Variants in PLD5 observed in about 807,000 individuals in gnomAD.
PLD5 encodes inactive phospholipase D5.
In PLD5, 36 loss-of-function variants were observed where a neutral mutation model predicts 61.1. The observed-to-expected ratio is 0.59, with a 90% CI of 0.45 to 0.78. The LOEUF (loss-of-function observed/expected upper bound fraction) is 0.78. PLD5 is among the 30% of genes least tolerant of loss of function. PLD5 has a pLI of 0.00. For synonymous variants in PLD5, 243 were observed against 242.8 expected, an observed-to-expected ratio of 1.00 and a Z score of -0.01; for missense variants, 515 against 644.4, an observed-to-expected ratio of 0.80 and a Z score of 2.17.
At chr1:242,293,959 C>G (rs1158439058) in intron 2 of PLD5, among the ~76,000 whole-genome samples, 2 of 152,200 alleles carry the variant, frequency 1.3e-5, no homozygotes, top group East Asian at 1.9e-4. Flanking sequence ...TCTCCAGAGG[C>G]CTGATCTAAT....
In PLD5 at chr1:242,207,957, T is replaced by C. The variant is rs1182493502; in HGVS notation, c.735+12031A>G. The stretch of plus-strand genomic sequence containing the variant: ...TTATATATTTATATATATTTATTTA[T>C]ATATATTTATATATATTTTTATATA... On this transcript the variant is annotated intron_variant, in intron 5 of 9. Coordinates refer to ENST00000536534, the MANE Select transcript of PLD5 (RefSeq NM_001372062.1). Among the ~76,000 whole-genome samples the C allele has an allele frequency of 6.8e-5, 2 of 29,616 alleles. 1 individual carries two copies. The highest frequency in any genetic ancestry group is 1.2e-4 in the Non-Finnish European group (2 of 17,220). The allele number at this position is 29,616 out of a possible 152,430, so 19.4% of individuals were successfully genotyped here.
At chr1:242,305,809 C>T (rs1676314944) in intron 2 of PLD5, among the ~76,000 whole-genome samples, 1 of 152,200 alleles carries the variant, frequency 6.6e-6, no homozygotes, top group Non-Finnish European at 1.5e-5. Flanking sequence ...ACCCGCCCGC[C>T]TCGGCCTTCC....
intron 8 of PLD5, among the ~76,000 whole-genome samples, chr1:242,102,635 C>G (rs1007323834): frequency 6.6e-5 from 10 of 152,142 alleles, no homozygotes; most frequent in Non-Finnish European, 2.9e-5. Context: ...ACCTAGTTCC[C>G]AGGCCATGTG....
At position 242,207,816 on chromosome 1, in the gene PLD5, T is replaced by TTATATATTTA. The variant is rs1480197682; in HGVS notation, c.735+12162_735+12171dup. Among the ~76,000 whole-genome samples, 86 of 39,102 alleles carry TTATATATTTA rather than the reference T, an allele frequency of 2.2e-3. 13 individuals are homozygous for TTATATATTTA. Among genetic ancestry groups the TTATATATTTA allele is most frequent in the African/African-American group, 0.012 (84 of 7,038 alleles). The allele number at this position is 39,102 out of a possible 152,430, so 25.7% of individuals were successfully genotyped here. A position where few individuals can be genotyped will look rare whatever the true frequency, so the allele number is the denominator to read the frequency against. The stretch of plus-strand genomic sequence containing the variant: ...TATATATATTTATATATATTTATAT[T>TTATATATTTA]TATATATTTATATATATTTATATAT... On this transcript the variant is annotated intron_variant, in intron 5 of 9. Transcript: ENST00000536534.
chr1:242,258,880 A>C (rs1300448163), intron 4 of PLD5, among the ~76,000 whole-genome samples: 2 of 151,996 alleles, frequency 1.3e-5, no homozygotes, highest in Non-Finnish European at 1.5e-5. Context: ...GAAACATTGG[A>C]CTCTGTGTAG....
At chr1:242,152,876 A>G (rs1665046085) in intron 5 of PLD5, among the ~76,000 whole-genome samples, 1 of 152,156 alleles carries the variant, frequency 6.6e-6, no homozygotes. Flanking sequence ...ATATCCAGTA[A>G]TGGGATTGCT....
At chr1:242,332,643 C>T (rs1419652959) in intron 2 of PLD5, among the ~76,000 whole-genome samples, 1 of 152,094 alleles carries the variant, frequency 6.6e-6, no homozygotes, top group Non-Finnish European at 1.5e-5. Flanking sequence ...CAGTGCAATG[C>T]CTTTCAAAAC....
chr1:242,528,321 T>C (rs1669489109), upstream of PLD5, among the ~76,000 whole-genome samples: 1 of 152,230 alleles, frequency 6.6e-6, no homozygotes. Flanking sequence ...CTTAGAACTT[T>C]CAGGCCCAGA....
Position 242,089,844 on chromosome 1 carries a change from C to T in PLD5, c.*10G>A, listed in dbSNP as rs1036085269. ...AAATACAGAGCTGTCCTGTCAGTTT[C>T]TTCATCATGTTATACGTTCCGGGGA... On this transcript the variant is annotated 3_prime_UTR_variant, in exon 10 of 10. Coordinates refer to ENST00000536534, the MANE Select transcript of PLD5 (RefSeq NM_001372062.1). 2 of 1,588,938 alleles carry T rather than the reference C, an allele frequency of 1.3e-6. No individual in the cohort carries two copies. The highest frequency in any genetic ancestry group is 1.7e-6 in the Non-Finnish European group (2 of 1,157,274).
rs908380871 is a variant in PLD5 at position 242,256,542 on chromosome 1, C to T, written c.607+8795G>A. 2.2e-4 allele frequency among the ~76,000 whole-genome samples: 33 copies of T among 152,140 alleles called. No individual in the cohort carries two copies. The highest frequency in any genetic ancestry group is 7.7e-4 in the African/African-American group (32 of 41,424). On this transcript the variant is annotated intron_variant, in intron 4 of 9. Transcript: ENST00000536534. This position sits in a 1 kb window ranked among gnomAD's most constrained non-coding sequence, Gnocchi z 5.7. ...TTGTGCCCTTCTGTCTTATCCGCCA[C>T]GTGAGGACACAGCGTTTGTTCCCTC...
At chr1:242,507,179 A>G (rs2102996576) in intron 1 of PLD5, among the ~76,000 whole-genome samples, 1 of 152,318 alleles carries the variant, frequency 6.6e-6, no homozygotes, top group East Asian at 1.9e-4. Context: ...TTTAAAACAC[A>G]CACATGAAAA....
At chr1:242,220,895 C>T (rs1417021371) in intron 4 of PLD5, among the ~76,000 whole-genome samples, 1 of 151,954 alleles carries the variant, frequency 6.6e-6, no homozygotes, top group Non-Finnish European at 1.5e-5. Context: ...TGCCACTATG[C>T]CCGGCTAATT....
chr1:242,500,035 G>A lies in PLD5; in HGVS notation c.189+24053C>T, dbSNP rs145162659. ...CTTGCAGCCTGGCGGACACAGGGTC[G>A]TCATACTTATAGTGTGGCTCAGAAC... On this transcript the variant is annotated intron_variant, in intron 1 of 9. Coordinates refer to ENST00000536534, the MANE Select transcript of PLD5 (RefSeq NM_001372062.1). Among the ~76,000 whole-genome samples, 156 of 152,246 alleles carry A rather than the reference G, an allele frequency of 1.0e-3. 2 individuals are homozygous for A. Among genetic ancestry groups the A allele is most frequent in the African/African-American group, 3.5e-3 (146 of 41,540 alleles).
At chr1:242,188,851 C>A (rs1668066917) in intron 5 of PLD5, 1 of 152,102 alleles carries the variant, frequency 6.6e-6, no homozygotes, top group African/African-American at 2.4e-5. Context: ...ATTGAAGGTG[C>A]CAATTTCAAT....
chr1:242,398,696 A>G (rs1311699850), intron 1 of PLD5, among the ~76,000 whole-genome samples: 2 of 148,616 alleles, frequency 1.3e-5, no homozygotes, highest in African/African-American at 5.0e-5. Flanking sequence ...TGATCTTACC[A>G]GTACAACGAG....
chr1:242,238,761 T>A (rs947847893), intron 4 of PLD5, among the ~76,000 whole-genome samples: 1 of 152,190 alleles, frequency 6.6e-6, no homozygotes, highest in Admixed American at 6.5e-5. Flanking sequence ...TTCAATGATA[T>A]GGCTATTTGA....
At chr1:242,336,075 C>T (rs1659484849) in intron 2 of PLD5, among the ~76,000 whole-genome samples, 1 of 152,150 alleles carries the variant, frequency 6.6e-6, no homozygotes. Context: ...GTCTCAAAAA[C>T]ATGTGAAAAG....
chr1:242,234,140 T>C (rs2149043656), intron 4 of PLD5, among the ~76,000 whole-genome samples: 1 of 152,236 alleles, frequency 6.6e-6, no homozygotes, highest in South Asian at 2.1e-4. Flanking sequence ...GAAAAAAAAA[T>C]TACAATGTGT....
chr1:242,159,291 C>A (rs1665642200), intron 5 of PLD5, among the ~76,000 whole-genome samples: 1 of 152,028 alleles, frequency 6.6e-6, no homozygotes, highest in South Asian at 2.1e-4. Context: ...GCTGTGATTA[C>A]CTTTAGTGAA....
Sources: allele counts gnomAD v4.1 joint callset (sites outside exome capture counted in the v4.1 genomes callset), GRCh38; gene constraint gnomAD v4.1.1; non-coding constraint Gnocchi (gnomAD v3.1); transcripts MANE v1.5; gene names NCBI Gene and HGNC (gene_info 2026-07-23, HGNC 2026-07-21).